Variants in ELK4 observed in about 807,000 individuals in gnomAD.
ELK4 encodes ETS domain-containing protein Elk-4.
Under a neutral mutation model 29.6 loss-of-function variants are expected in ELK4, and 16 were observed. That is an observed-to-expected ratio of 0.54 (90% CI 0.37 to 0.82). The LOEUF (loss-of-function observed/expected upper bound fraction) is 0.82, where lower values mean the gene tolerates loss of function less well. ELK4 is among the 40% of genes least tolerant of loss of function. ELK4 has a pLI of 0.00. For missense variants in ELK4, 465 were observed against 507.1 expected (o/e 0.92, Z 0.80); for synonymous variants, 213 against 191.1 (o/e 1.11, Z -0.95).
Position 205,616,403 on chromosome 1 carries a change from A to G in ELK4, c.*143T>C, listed in dbSNP as rs996363167. ...GAGTCCTATTCAAAGAGAATCCTAA[A>G]AAGATGTTTTCAATGGGGAATGGCA... On this transcript the variant is annotated 3_prime_UTR_variant, in exon 5 of 5. Transcript: ENST00000357992. The G allele has an allele frequency of 5.6e-6, 4 of 708,592 alleles. No individual in the cohort carries two copies. The highest frequency in any genetic ancestry group is 9.4e-6 in the Non-Finnish European group (4 of 426,780). 43.9% of individuals were successfully genotyped at this position (708,592 alleles called of 1,614,324 possible).
At position 205,616,366 on chromosome 1, in the gene ELK4, A is replaced by G. The variant is rs1008899535; in HGVS notation, c.*180T>C. On this transcript the variant is annotated 3_prime_UTR_variant, in exon 5 of 5. Transcript: ENST00000357992. ...CTCCAATTAAGGCATTTTTATACAT[A>G]TAGTCCAACTTGAGTCCTATTCAAA... is the stretch of plus-strand genomic sequence containing the variant. 1 of 531,662 alleles carries G rather than the reference A, an allele frequency of 1.9e-6. No homozygotes were observed. 32.9% of individuals were successfully genotyped at this position (531,662 alleles called of 1,614,324 possible).
At chr1:205,624,088 A>G (rs765690870) in intron 1 of ELK4, among the ~76,000 whole-genome samples, 197 bp from the exon 2 acceptor site, 10 of 152,228 alleles carry the variant, frequency 6.6e-5, no homozygotes, top group Non-Finnish European at 1.2e-4. Context: ...ACAACATCAC[A>G]CAAGTAAACG....
In ELK4 at chr1:205,613,282, T is replaced by C. The variant is rs561700731; in HGVS notation, c.*3264A>G. ...CCCGGGAGTTTGAGTCCACCCTGGG[T>C]AACACACCAAGACTCCATCTCTAAA... On this transcript the variant is annotated 3_prime_UTR_variant, in exon 5 of 5. Coordinates refer to ENST00000357992, the MANE Select transcript of ELK4 (RefSeq NM_001973.4). 3.1e-5 allele frequency: 6 copies of C among 194,744 alleles called. No homozygotes were observed. The East Asian group carries it at 4.8e-4, about 16-fold the overall frequency. 12.1% of individuals were successfully genotyped at this position (194,744 alleles called of 1,614,324 possible).
At chr1:205,623,924 T>C (rs906835408) in intron 1 of ELK4, 33 bp from the exon 2 acceptor site, 1 of 1,594,788 alleles carries the variant, frequency 6.3e-7, no homozygotes, top group African/African-American at 1.3e-5. Flanking sequence ...TGTGATAATA[T>C]TAACAGCCAA....
In ELK4 at chr1:205,611,122, C is replaced by A. The variant is rs1218420570; in HGVS notation, c.*5424G>T. On this transcript the variant is annotated 3_prime_UTR_variant, in exon 5 of 5. Coordinates refer to ENST00000357992, the MANE Select transcript of ELK4 (RefSeq NM_001973.4). ...AACCACTCTGGATTTTCATATTTCACAATAAGTAAGTGTGGATGGCAGCAC... is the reference window on the plus strand; with the variant it reads ...AACCACTCTGGATTTTCATATTTCAAAATAAGTAAGTGTGGATGGCAGCAC... 1 of 215,192 alleles carries A rather than the reference C, an allele frequency of 4.6e-6. No homozygotes were observed. The highest frequency in any genetic ancestry group is 5.8e-5 in the Admixed American group (1 of 17,134). The allele number at this position is 215,192 out of a possible 1,614,324, so 13.3% of individuals were successfully genotyped here.
Position 205,616,735 on chromosome 1 carries a change from C to T in ELK4, c.1198-91G>A, listed in dbSNP as rs144414741. ...CTCTATTACCTGAGGCAAAACACAACAGCCTTCTGTAATGGCTCACAGGAC... is the reference window on the plus strand; with the variant it reads ...CTCTATTACCTGAGGCAAAACACAATAGCCTTCTGTAATGGCTCACAGGAC... On this transcript the variant is annotated intron_variant, in intron 4 of 4. Transcript: ENST00000357992. 1.2e-3 allele frequency: 1,277 copies of T among 1,064,762 alleles called. 1 individual carries two copies. The highest frequency in any genetic ancestry group is 1.6e-3 in the Non-Finnish European group (1,156 of 723,492). 66.0% of individuals were successfully genotyped at this position (1,064,762 alleles called of 1,614,324 possible).
In ELK4 at chr1:205,610,459, A is replaced by G. The variant is rs1443077031; in HGVS notation, c.*6087T>C. On this transcript the variant is annotated 3_prime_UTR_variant, in exon 5 of 5. Transcript: ENST00000357992. ...CCAGTATAAACCTCCTCTTTGAGAA[A>G]CTTACAAACTAATAAAGATTTTACA... The G allele has an allele frequency of 4.3e-6, 1 of 230,186 alleles. No individual in the cohort carries two copies. The highest frequency in any genetic ancestry group is 8.6e-6 in the Non-Finnish European group (1 of 116,308). 14.3% of individuals were successfully genotyped at this position (230,186 alleles called of 1,614,324 possible). A position where few individuals can be genotyped will look rare whatever the true frequency, so the allele number is the denominator to read the frequency against.
chr1:205,614,741 G>T lies in ELK4; in HGVS notation c.*1805C>A. On this transcript the variant is annotated 3_prime_UTR_variant, in exon 5 of 5. Coordinates refer to ENST00000357992, the MANE Select transcript of ELK4 (RefSeq NM_001973.4). ...AAATACCATGCATCTGAAGATGCTA[G>T]TTTGTAACAGTGTCAGTCTGAGCCT... is the stretch of plus-strand genomic sequence containing the variant. 4.4e-6 allele frequency: 1 copy of T among 226,498 alleles called. No homozygotes were observed. The highest frequency in any genetic ancestry group is 5.7e-5 in the Admixed American group (1 of 17,594). The allele number at this position is 226,498 out of a possible 1,614,324, so 14.0% of individuals were successfully genotyped here.
rs1199577603 is a variant in ELK4 at position 205,616,258 on chromosome 1, C to T, written c.*288G>A. ...CACCAAAAACTTCTTCAGCACAAAG[C>T]TCAAAATATTTTTAAAGGAGAAAAG... is the stretch of plus-strand genomic sequence containing the variant. On this transcript the variant is annotated 3_prime_UTR_variant, in exon 5 of 5. Coordinates refer to ENST00000357992, the MANE Select transcript of ELK4 (RefSeq NM_001973.4). The T allele has an allele frequency of 9.4e-6, 3 of 319,196 alleles. No homozygotes were observed. Among genetic ancestry groups the T allele is most frequent in the Non-Finnish European group, 1.8e-5 (3 of 169,000 alleles). The allele number at this position is 319,196 out of a possible 1,614,324, so 19.8% of individuals were successfully genotyped here. A position where few individuals can be genotyped will look rare whatever the true frequency, so the allele number is the denominator to read the frequency against.
intron 2 of ELK4, among the ~76,000 whole-genome samples, chr1:205,623,157 C>CAAAAAA (rs547986684): frequency 2.6e-5 from 2 of 76,800 alleles, no homozygotes; most frequent in African/African-American, 4.5e-5. Context: ...GACTCCGTCT[C>CAAAAAA]AAAAAAAAAA....
In ELK4 at chr1:205,623,728, G is replaced by T. The variant is rs1351884629; in HGVS notation, c.155C>A (p.Pro52His). The T allele has an allele frequency of 1.2e-6, 2 of 1,614,086 alleles. No homozygotes were observed. Among genetic ancestry groups the T allele is most frequent in the Non-Finnish European group, 1.7e-6 (2 of 1,180,022 alleles). ...ARLWGIRKNK[P>H]NMNYDKLSRA... is the part of the protein sequence containing the mutation. The stretch of plus-strand genomic sequence containing the variant: ...GCTGAGTTTGTCATAATTCATGTTA[G>T]GCTTGTTCTTGCGAATCCCCCAGAG... The change falls in exon 2 of 5, where the codon CCT (proline) becomes CAT (histidine). Residue 52 changes from proline to histidine, a missense_variant. By Grantham distance (77) the Pro-to-His change is moderately conservative. This residue lies in a region of ELK4 where 385 missense variants were observed against 387.5 expected (regional missense o/e 0.99). Coordinates refer to ENST00000357992, the MANE Select transcript of ELK4 (RefSeq NM_001973.4).
At chr1:205,625,677 TTC>T in intron 1 of ELK4, 38 of 817,352 alleles carry the variant, frequency 4.6e-5, no homozygotes, top group Non-Finnish European at 6.8e-5. Flanking sequence ...CTGCTGCTGC[TTC>T]TTTTTTTTTT....
chr1:205,619,284 T>C, intron 3 of ELK4: 3 of 1,056,364 alleles, frequency 2.8e-6, no homozygotes, highest in Non-Finnish European at 3.5e-6. Context: ...TTTTTTAAAT[T>C]TTTATTTCAA....
chr1:205,623,519 C>T (rs539985994), intron 2 of ELK4, among the ~76,000 whole-genome samples, 157 bp downstream of exon 2: 5 of 152,092 alleles, frequency 3.3e-5, no homozygotes, highest in African/African-American at 7.2e-5. Flanking sequence ...TTCACCACAT[C>T]GGTTAGGCTG....
At chr1:205,621,132 T>C (rs1374843095) in intron 2 of ELK4, among the ~76,000 whole-genome samples, 5 of 143,528 alleles carry the variant, frequency 3.5e-5, no homozygotes, top group Non-Finnish European at 4.5e-5. Context: ...GAGGCGGAGG[T>C]TGCAGTGAGC....
Position 205,614,101 on chromosome 1 carries a change from A to G in ELK4, c.*2445T>C, listed in dbSNP as rs1450863871. ...CCAAATTAGTTGATCTCAAAGAGATAGCAGATCACCAATCTGTGACAGCCT... is the reference window on the plus strand; with the variant it reads ...CCAAATTAGTTGATCTCAAAGAGATGGCAGATCACCAATCTGTGACAGCCT... On this transcript the variant is annotated 3_prime_UTR_variant, in exon 5 of 5. Transcript: ENST00000357992. The G allele has an allele frequency of 4.5e-6, 1 of 223,774 alleles. No homozygotes were observed. Among genetic ancestry groups the G allele is most frequent in the East Asian group, 6.5e-5 (1 of 15,492 alleles). The allele number at this position is 223,774 out of a possible 1,614,324, so 13.9% of individuals were successfully genotyped here.
At chr1:205,626,291 A>T (rs1425642079) in intron 1 of ELK4, 2 of 384,480 alleles carry the variant, frequency 5.2e-6, no homozygotes, top group Non-Finnish European at 1.0e-5. Context: ...CTTTCTTTCC[A>T]GCCTCTCTTA....
At chr1:205,628,077 A>G (rs1470068510) in intron 1 of ELK4, among the ~76,000 whole-genome samples, 1 of 152,252 alleles carries the variant, frequency 6.6e-6, no homozygotes, top group Non-Finnish European at 1.5e-5. Context: ...CATATTAGAT[A>G]CCGATAATAA....
At chr1:205,625,498 A>G in intron 1 of ELK4, 1 of 719,086 alleles carries the variant, frequency 1.4e-6, no homozygotes, top group Admixed American at 1.8e-5. Context: ...ATTCGTGTAC[A>G]AAGAAGAGCA....
Sources: allele counts gnomAD v4.1 joint callset (sites outside exome capture counted in the v4.1 genomes callset), GRCh38; gene constraint gnomAD v4.1.1; regional missense constraint gnomAD v4.1.1; transcripts MANE v1.5; gene names NCBI Gene and HGNC (gene_info 2026-07-23, HGNC 2026-07-21).